NKAIN3: variants seen among roughly 807,000 people sequenced by gnomAD.
NKAIN3 encodes sodium/potassium transporting ATPase interacting 3, also known as sodium/potassium-transporting ATPase subunit beta-1-interacting protein 3.
A neutral mutation model predicts 30.2 loss-of-function variants in NKAIN3; 25 were observed. That is an observed-to-expected ratio of 0.83 (90% CI 0.60 to 1.16). The LOEUF (loss-of-function observed/expected upper bound fraction) is 1.16. NKAIN3 is among the 50% of genes most tolerant of loss of function. NKAIN3 has a pLI of 0.00. For missense variants in NKAIN3, 225 were observed against 254.1 expected (o/e 0.89, Z 0.78); for synonymous variants, 91 against 89.6 (o/e 1.02, Z -0.09).
At chr8:62,472,077 G>A (rs1806372596) in intron 1 of NKAIN3, among the ~76,000 whole-genome samples, 1 of 151,192 alleles carries the variant, frequency 6.6e-6, no homozygotes. Context: ...TGGGGTGAAA[G>A]GGAGCTGGAG....
At chr8:62,844,205 C>T (rs1386572957) in intron 4 of NKAIN3, among the ~76,000 whole-genome samples, 1 of 152,088 alleles carries the variant, frequency 6.6e-6, no homozygotes, top group African/African-American at 2.4e-5. Context: ...TTTTTGGCAA[C>T]TTAACATATT....
At chr8:62,854,453 C>T (rs1487547499) in intron 4 of NKAIN3, among the ~76,000 whole-genome samples, 1 of 152,036 alleles carries the variant, frequency 6.6e-6, no homozygotes, top group Non-Finnish European at 1.5e-5. Flanking sequence ...TTATGTAATG[C>T]CCTTTTCTGT....
chr8:62,459,157 T>C (rs1036985887), intron 1 of NKAIN3, among the ~76,000 whole-genome samples: 1 of 152,046 alleles, frequency 6.6e-6, no homozygotes, highest in African/African-American at 2.4e-5. Context: ...CTTGATCTGA[T>C]CTAGGCCAGA....
chr8:62,895,617 G>C (rs1821408023), intron 4 of NKAIN3, among the ~76,000 whole-genome samples: 1 of 152,102 alleles, frequency 6.6e-6, no homozygotes, highest in South Asian at 2.1e-4. Context: ...TAGCTTTTGG[G>C]GTCTGGAAGT....
rs2130781202 is a variant in NKAIN3 at position 62,855,876 on chromosome 8, G to A, written c.472-62577G>A. 2 of 772,660 alleles carry A rather than the reference G, an allele frequency of 2.6e-6. 1 individual carries two copies. The highest frequency in any genetic ancestry group is 3.5e-5 in the Admixed American group (2 of 57,190). 47.9% of individuals were successfully genotyped at this position (772,660 alleles called of 1,614,324 possible). On this transcript the variant is annotated intron_variant, in intron 4 of 6. Coordinates refer to ENST00000623646, the MANE Select transcript of NKAIN3 (RefSeq NM_001304533.3). ...CAACTCCTCTTCCTGTGGCACCAAA[G>A]CCACAAAATAAAGAGAGATGTTCCT...
chr8:62,520,094 T>C (rs1808109869), intron 1 of NKAIN3, among the ~76,000 whole-genome samples: 1 of 152,164 alleles, frequency 6.6e-6, no homozygotes, highest in East Asian at 1.9e-4. Context: ...TTTGTATACA[T>C]TAGATGTATG....
chr8:62,543,112 C>T (rs73269440), intron 1 of NKAIN3, among the ~76,000 whole-genome samples: 4,759 of 152,164 alleles, frequency 0.031, 243 homozygotes, highest in African/African-American at 0.11. Context: ...AGTCTCTTTG[C>T]GACATAACCC....
chr8:62,282,116 A>G (rs1330679669), intron 1 of NKAIN3, among the ~76,000 whole-genome samples: 1 of 151,732 alleles, frequency 6.6e-6, no homozygotes, highest in Non-Finnish European at 1.5e-5. Context: ...CAAACAGTTT[A>G]CTCTCAAGCC....
intron 1 of NKAIN3, among the ~76,000 whole-genome samples, chr8:62,575,769 A>G (rs575913473): frequency 8.5e-5 from 13 of 152,310 alleles, no homozygotes; most frequent in African/African-American, 3.1e-4. Context: ...AAACAGACAC[A>G]TAGATTAATG....
intron 5 of NKAIN3, among the ~76,000 whole-genome samples, chr8:62,919,549 T>C (rs1822215099): frequency 6.6e-6 from 1 of 152,088 alleles, no homozygotes; most frequent in Admixed American, 6.6e-5. Context: ...CCAGCCTACT[T>C]TCAAAATTTT....
rs538853580 is a variant in NKAIN3 at position 62,980,828 on chromosome 8, A to G, written c.*15421A>G. 5.9e-5 allele frequency: 9 copies of G among 152,314 alleles called. No individual in the cohort carries two copies. The highest frequency in any genetic ancestry group is 2.0e-4 in the Admixed American group (3 of 15,304). 9.4% of individuals were successfully genotyped at this position (152,314 alleles called of 1,614,324 possible). A position where few individuals can be genotyped will look rare whatever the true frequency, so the allele number is the denominator to read the frequency against. ...GGCACAAGCAAAGCTCATTAATTCC[A>G]TTTATTATTTTAAGCCACTTGTTTG... On this transcript the variant is annotated 3_prime_UTR_variant, in exon 7 of 7. Coordinates refer to ENST00000623646, the MANE Select transcript of NKAIN3 (RefSeq NM_001304533.3).
At chr8:62,760,706 A>G (rs979806095) in intron 4 of NKAIN3, among the ~76,000 whole-genome samples, 2 of 152,126 alleles carry the variant, frequency 1.3e-5, no homozygotes, top group Non-Finnish European at 2.9e-5. Context: ...CAGCACACCA[A>G]CATGGCACAT....
At chr8:62,612,368 C>A (rs1811322540) in intron 3 of NKAIN3, among the ~76,000 whole-genome samples, 1 of 151,862 alleles carries the variant, frequency 6.6e-6, no homozygotes, top group Non-Finnish European at 1.5e-5. Context: ...TACATAGATA[C>A]CCTCTTTGTC....
chr8:62,316,981 A>G lies in NKAIN3; in HGVS notation c.54+67854A>G, dbSNP rs547210391. Reference sequence around the variant, plus strand: ...ATGATCGCCATTCTAACTGGTGTGAAATGGTATCTCATTGTGGTTTTGATT... The same window carrying G: ...ATGATCGCCATTCTAACTGGTGTGAGATGGTATCTCATTGTGGTTTTGATT... On this transcript the variant is annotated intron_variant, in intron 1 of 6. Transcript: ENST00000623646. 3.4e-3 allele frequency among the ~76,000 whole-genome samples: 522 copies of G among 152,132 alleles called. 2 individuals are homozygous for G. The highest frequency in any genetic ancestry group is 5.7e-3 in the Non-Finnish European group (388 of 67,960).
chr8:62,851,773 T>C (rs938053662), intron 4 of NKAIN3, among the ~76,000 whole-genome samples: 1 of 152,234 alleles, frequency 6.6e-6, no homozygotes, highest in Non-Finnish European at 1.5e-5. Context: ...GTTTTGCATA[T>C]GTTGAACCAG....
At chr8:62,478,032 C>A (rs1456187194) in intron 1 of NKAIN3, among the ~76,000 whole-genome samples, 1 of 152,148 alleles carries the variant, frequency 6.6e-6, no homozygotes, top group African/African-American at 2.4e-5. Flanking sequence ...GGGCACTAAT[C>A]CCATCAGAAG....
intron 4 of NKAIN3, among the ~76,000 whole-genome samples, chr8:62,885,579 T>C (rs1821122017): frequency 1.3e-5 from 2 of 152,228 alleles, no homozygotes; most frequent in African/African-American, 2.4e-5. Context: ...AACAGGGACA[T>C]TGAAGTCTCC....
At chr8:62,915,678 C>G (rs1339476654) in intron 4 of NKAIN3, among the ~76,000 whole-genome samples, 1 of 152,108 alleles carries the variant, frequency 6.6e-6, no homozygotes, top group Non-Finnish European at 1.5e-5. Flanking sequence ...ACACACACCC[C>G]TAAGGGAGAA....
At chr8:62,488,910 T>G (rs972516116) in intron 1 of NKAIN3, among the ~76,000 whole-genome samples, 1 of 152,218 alleles carries the variant, frequency 6.6e-6, no homozygotes, top group African/African-American at 2.4e-5. Flanking sequence ...TTAACCTCCC[T>G]GGTAATTATA....
Sources: gnomAD v4.1 joint callset for allele counts (sites outside exome capture counted in the v4.1 genomes callset) on GRCh38, gnomAD v4.1.1 for gene constraint, MANE v1.5 for transcripts, NCBI Gene and HGNC (gene_info 2026-07-23, HGNC 2026-07-21) for gene names.